Variants in HSPG2 observed in about 807,000 individuals in gnomAD.
HSPG2 encodes heparan sulfate proteoglycan 2, also known as basement membrane-specific heparan sulfate proteoglycan core protein.
In HSPG2, 278 loss-of-function variants were observed where a neutral mutation model predicts 526.6. The observed-to-expected ratio is 0.53, with a 90% CI of 0.48 to 0.58. The LOEUF (loss-of-function observed/expected upper bound fraction) is 0.58, where lower values mean the gene tolerates loss of function less well. Among genes scored for constraint, HSPG2 ranks in the 20% least tolerant of loss-of-function variants. HSPG2 has a pLI of 0.00. For missense variants in HSPG2, 5,354 were observed against 6,099.5 expected (o/e 0.88, Z 4.07); for synonymous variants, 2,465 against 2,555.4 (o/e 0.96, Z 1.07).
chr1:21,847,128 G>A lies in HSPG2; in HGVS notation c.8164+226C>T, dbSNP rs905234455. Among the ~76,000 whole-genome samples the A allele has an allele frequency of 3.3e-5, 5 of 152,264 alleles. No individual in the cohort carries two copies. Among genetic ancestry groups the A allele is most frequent in the African/African-American group, 1.2e-4 (5 of 41,470 alleles). On this transcript the variant is annotated intron_variant, in intron 62 of 96. Transcript: ENST00000374695. The surrounding 1 kb of genome is among the most constrained non-coding windows in gnomAD (Gnocchi z 4.1). ...AAATTCGTAAACTTCCTGTGATGAT[G>A]GAAATGCTTTTTATCTGCACAGGCC... is the stretch of plus-strand genomic sequence containing the variant.
chr1:21,824,762 C>T lies in HSPG2; in HGVS notation c.12607G>A (p.Gly4203Arg), dbSNP rs199814977. Residue 4203 changes from glycine (G) to arginine (R), a missense_variant, in exon 92 of 97, where the codon GGA (glycine) becomes AGA (arginine). Physicochemically the swap from Gly to Arg is moderately radical, Grantham distance 125 (BLOSUM62 -2). Transcript: ENST00000374695. This position sits in a 1 kb window ranked among gnomAD's most constrained non-coding sequence, Gnocchi z 5.9. ...AAGCCATCATCGTGGAAATAGGCTC[C>T]GTACTGCCCAGGGGCATCTGTGGGA... is the stretch of plus-strand genomic sequence containing the variant. ...SGGNDAPGQY[G>R]AYFHDDGFLA... 7.6e-5 allele frequency: 122 copies of T among 1,612,988 alleles called. No individual in the cohort carries two copies. In the African/African-American group the frequency reaches 1.3e-3, roughly 18 times the overall value.
Position 21,859,446 on chromosome 1 carries a change from G to A in HSPG2, c.5293+120C>T, listed in dbSNP as rs1639602049. On this transcript the variant is annotated intron_variant, in intron 42 of 96. Transcript: ENST00000374695. This position sits in a 1 kb window ranked among gnomAD's most constrained non-coding sequence, Gnocchi z 5.3. The stretch of plus-strand genomic sequence containing the variant: ...ACCTCTCCTCATCTCCATGGCTGCT[G>A]ACCTTGTTCGGGCAACCACTGCCCC... 5 of 769,228 alleles carry A rather than the reference G, an allele frequency of 6.5e-6. No homozygotes were observed. In the South Asian group the frequency reaches 7.4e-5, roughly 11 times the overall value. 47.7% of individuals were successfully genotyped at this position (769,228 alleles called of 1,614,324 possible).
intron 57 of HSPG2, among the ~76,000 whole-genome samples, chr1:21,849,691 T>C (rs1207909637): frequency 1.3e-5 from 2 of 152,090 alleles, no homozygotes; most frequent in Admixed American, 6.6e-5. Flanking sequence ...TGTGGTTTTT[T>C]TTTTTTGAGA....
Position 21,843,317 on chromosome 1 carries a change from G to T in HSPG2, c.8738C>A (p.Ser2913Tyr). The change falls in exon 66 of 97, where the codon TCC becomes TAC. Residue 2913 changes from serine to tyrosine, a missense_variant. Transcript: ENST00000374695. ...CTCACCAGGAATGGGTCCTGGGCTG[G>T]AGGGCTCAATTGTGACCAGGACAGA... Reference protein sequence around the residue: ...EASVLVTIEPSSPGPIPAPGL... With the variant: ...EASVLVTIEPYSPGPIPAPGL... 2.5e-6 allele frequency: 4 copies of T among 1,614,106 alleles called. No homozygotes were observed. Among genetic ancestry groups the T allele is most frequent in the Non-Finnish European group, 3.4e-6 (4 of 1,180,040 alleles).
chr1:21,825,694 G>GGGGAGCGTCCCATCCAGCTAA (rs1287069755), intron 91 of HSPG2, among the ~76,000 whole-genome samples: 1 of 152,188 alleles, frequency 6.6e-6, no homozygotes, highest in Non-Finnish European at 1.5e-5. Context: ...GTGGCTGTGC[G>GGGGAGCGTCCCATCCAGCTAA]GGGAGCGTCC....
intron 77 of HSPG2, 33 bp from the exon 78 acceptor site, chr1:21,833,958 C>T (rs1178009895): frequency 7.0e-7 from 1 of 1,428,692 alleles, no homozygotes; most frequent in African/African-American, 1.4e-5. Flanking sequence ...AGGCCATCAA[C>T]ATGACAGTCA....
chr1:21,877,007 C>T (rs1434498305), intron 21 of HSPG2, among the ~76,000 whole-genome samples: 2 of 133,710 alleles, frequency 1.5e-5, no homozygotes, highest in Non-Finnish European at 3.0e-5. Context: ...TGCAGTGAGC[C>T]GAGATCGCGC....
At chr1:21,838,135 C>CAAAAAAAAA (rs35291473) in intron 74 of HSPG2, among the ~76,000 whole-genome samples, 1 of 75,270 alleles carries the variant, frequency 1.3e-5, no homozygotes, top group South Asian at 5.6e-4. Context: ...GATTCTGTCT[C>CAAAAAAAAA]AAAAAAAAAA....
At chr1:21,835,089 C>T (rs891308594) in intron 76 of HSPG2, 144 bp from the exon 77 acceptor site, 1 of 889,712 alleles carries the variant, frequency 1.1e-6, no homozygotes, top group South Asian at 1.4e-5. Context: ...CATTCACTCA[C>T]AAACACACTC....
intron 18 of HSPG2, 132 bp from the exon 19 acceptor site, chr1:21,878,795 C>T (rs1641289993): frequency 2.6e-6 from 3 of 1,175,930 alleles, no homozygotes; most frequent in East Asian, 2.5e-5. Flanking sequence ...TGCCCGGCAG[C>T]CTCACAGCAA....
rs2097953660 is a variant in HSPG2 at position 21,822,274 on chromosome 1, A to G, written c.*1042T>C. On this transcript the variant is annotated 3_prime_UTR_variant, in exon 97 of 97. Coordinates refer to ENST00000374695, the MANE Select transcript of HSPG2 (RefSeq NM_005529.7). ...GGGATAGCACCGTTTATTAAGAAAAATCAAGACAAAGACCACAGGAGGGTC... is the reference window on the plus strand; with the variant it reads ...GGGATAGCACCGTTTATTAAGAAAAGTCAAGACAAAGACCACAGGAGGGTC... 9 of 1,568,452 alleles carry G rather than the reference A, an allele frequency of 5.7e-6. No individual in the cohort carries two copies. In the South Asian group the frequency reaches 8.9e-5, roughly 15 times the overall value.
intron 74 of HSPG2, 134 bp downstream of exon 74, chr1:21,838,691 G>A: frequency 1.1e-6 from 1 of 931,674 alleles, no homozygotes; most frequent in Non-Finnish European, 1.7e-6. Flanking sequence ...CTCGGGCCCT[G>A]GAGAGTAGGG....
intron 1 of HSPG2, among the ~76,000 whole-genome samples, chr1:21,915,654 C>A (rs962082697): frequency 6.6e-6 from 1 of 152,198 alleles, no homozygotes; most frequent in African/African-American, 2.4e-5. Flanking sequence ...ACATACACAG[C>A]GCTTCCGACA....
At chr1:21,841,061 G>A in intron 71 of HSPG2, 40 bp downstream of exon 71, 1 of 1,556,564 alleles carries the variant, frequency 6.4e-7, no homozygotes, top group Non-Finnish European at 8.7e-7. Flanking sequence ...GCTGGGCCAT[G>A]GACTGGGCCT....
Position 21,841,191 on chromosome 1 carries a change from G to A in HSPG2, c.9423C>T (p.Arg3141=), listed in dbSNP as rs1557695482. The change falls in exon 71 of 97, where the codon CGC becomes CGT. Residue 3141 remains arginine (R), a synonymous_variant. Coordinates refer to ENST00000374695, the MANE Select transcript of HSPG2 (RefSeq NM_005529.7). ...TGATCCGGGTCCAACGAGCAGAGGA[G>A]CGGGGCTCCCCGGCACTGACACACT... ...TLECVSAGEP[R]SSARWTRISS... 1 of 1,613,878 alleles carries A rather than the reference G, an allele frequency of 6.2e-7. No individual in the cohort carries two copies. The highest frequency in any genetic ancestry group is 2.2e-5 in the East Asian group (1 of 44,872).
Position 21,887,196 on chromosome 1 carries a change from T to G in HSPG2, c.1078+19A>C. 6.2e-7 allele frequency: 1 copy of G among 1,601,296 alleles called. No individual in the cohort carries two copies. The highest frequency in any genetic ancestry group is 1.3e-5 in the African/African-American group (1 of 74,304). On this transcript the variant is annotated intron_variant, in intron 9 of 96. Coordinates refer to ENST00000374695, the MANE Select transcript of HSPG2 (RefSeq NM_005529.7). This position sits in a 1 kb window ranked among gnomAD's most constrained non-coding sequence, Gnocchi z 5.0. ...CTGGGCAGGGCAAGGGGGCCTCAGC[T>G]GGACCCTCGGATACTCACGGCAGTT...
Position 21,848,820 on chromosome 1 carries a change from G to T in HSPG2, c.7586-26C>A, listed in dbSNP as rs1638659352. Reference sequence around the variant, plus strand: ...CTGGGAGGGTGAGATGTAAGGCAGGGTGTGGGAGCTGCTGAGGGTGCAGTC... The same window carrying T: ...CTGGGAGGGTGAGATGTAAGGCAGGTTGTGGGAGCTGCTGAGGGTGCAGTC... On this transcript the variant is annotated intron_variant, in intron 58 of 96. Coordinates refer to ENST00000374695, the MANE Select transcript of HSPG2 (RefSeq NM_005529.7). The surrounding 1 kb of genome is among the most constrained non-coding windows in gnomAD (Gnocchi z 4.9). The T allele has an allele frequency of 1.9e-6, 3 of 1,613,428 alleles. No homozygotes were observed.
intron 6 of HSPG2, chr1:21,889,762 G>C (rs760323036): frequency 3.3e-6 from 2 of 606,734 alleles, no homozygotes; most frequent in Non-Finnish European, 6.0e-6. Flanking sequence ...AGGTCTAGAA[G>C]GAAGGAGCAG....
chr1:21,865,119 G>T lies in HSPG2; in HGVS notation c.4396-46C>A. The T allele has an allele frequency of 6.5e-7, 1 of 1,543,336 alleles. No homozygotes were observed. ...TGGGCGGGGGCAGTGGGCTTTGTGGGCTGCTCCTACAGTTACCACCCCCCA... is the reference window on the plus strand; with the variant it reads ...TGGGCGGGGGCAGTGGGCTTTGTGGTCTGCTCCTACAGTTACCACCCCCCA... On this transcript the variant is annotated intron_variant, in intron 35 of 96. Coordinates refer to ENST00000374695, the MANE Select transcript of HSPG2 (RefSeq NM_005529.7). This position sits in a 1 kb window ranked among gnomAD's most constrained non-coding sequence, Gnocchi z 5.4.
Sources: gnomAD v4.1 joint callset for allele counts (sites outside exome capture counted in the v4.1 genomes callset) on GRCh38, gnomAD v4.1.1 for gene constraint, Gnocchi (gnomAD v3.1) non-coding constraint, MANE v1.5 for transcripts, NCBI Gene and HGNC (gene_info 2026-07-23, HGNC 2026-07-21) for gene names.